The following KCNK2 variants were observed in gnomAD, a reference collection of about 807,000 sequenced individuals.
The protein encoded by KCNK2 is potassium two pore domain channel subfamily K member 2, also known as potassium channel subfamily K member 2.
Under a neutral mutation model 40.5 loss-of-function variants are expected in KCNK2, and 21 were observed. The ratio of observed to expected loss-of-function variants is 0.52; its 90% CI spans 0.37 to 0.75. The LOEUF (loss-of-function observed/expected upper bound fraction) is 0.75. Ranked by LOEUF, KCNK2 falls within the 30% of genes least tolerant of loss-of-function variation. KCNK2 has a pLI of 0.00. For synonymous variants in KCNK2, 191 were observed against 202.2 expected, an observed-to-expected ratio of 0.94 and a Z score of 0.47; for missense variants, 399 against 531.6, an observed-to-expected ratio of 0.75 and a Z score of 2.45.
intron 3 of KCNK2, among the ~76,000 whole-genome samples, chr1:215,160,634 G>C (rs1202134596): frequency 6.6e-6 from 1 of 151,922 alleles, no homozygotes; most frequent in Non-Finnish European, 1.5e-5. Flanking sequence ...TTCTTTTTTA[G>C]CTTGCTCTTC....
rs1024975216 is a variant in KCNK2 at position 215,119,498 on chromosome 1, T to A, written c.358-5135T>A. Among the ~76,000 whole-genome samples the A allele has an allele frequency of 3.9e-5, 6 of 152,182 alleles. 1 individual carries two copies. The highest frequency in any genetic ancestry group is 3.9e-4 in the Admixed American group (6 of 15,278). On this transcript the variant is annotated intron_variant, in intron 2 of 6. Transcript: ENST00000444842. Reference sequence around the variant, plus strand: ...ATTTCTTAAGTTTAATGCTACACTCTTAAGTGGAACCATGTATTCAACTAA... The same window carrying A: ...ATTTCTTAAGTTTAATGCTACACTCATAAGTGGAACCATGTATTCAACTAA...
upstream of KCNK2, among the ~76,000 whole-genome samples, chr1:215,077,840 A>G (rs943660706): frequency 1.6e-4 from 24 of 152,034 alleles, no homozygotes; most frequent in African/African-American, 5.8e-4. Context: ...TCTTTACACC[A>G]GCCTTCCCTG....
At chr1:215,019,005 A>T (rs1251503969) in intron 1 of KCNK2, among the ~76,000 whole-genome samples, 1 of 142,192 alleles carries the variant, frequency 7.0e-6, no homozygotes, top group Non-Finnish European at 1.6e-5. Flanking sequence ...ACACAAAAAA[A>T]AAACCATCTA....
intron 3 of KCNK2, among the ~76,000 whole-genome samples, chr1:215,157,495 A>C (rs542634675): frequency 6.6e-6 from 1 of 152,240 alleles, no homozygotes; most frequent in Admixed American, 6.5e-5. Context: ...TTTGGAAGCC[A>C]GAATGACTGC....
intron 1 of KCNK2, among the ~76,000 whole-genome samples, chr1:215,044,975 C>A (rs1657715505): frequency 6.6e-6 from 1 of 151,622 alleles, no homozygotes; most frequent in Admixed American, 6.6e-5. Flanking sequence ...TCGAGACCAT[C>A]CTGGCTAACA....
At chr1:215,199,021 CAT>C (rs747225094) in intron 6 of KCNK2, among the ~76,000 whole-genome samples, 1 of 152,004 alleles carries the variant, frequency 6.6e-6, no homozygotes. Context: ...TATGTTAAAA[CAT>C]ATTCTGTTTC....
chr1:215,183,824 A>G (rs568793581), intron 5 of KCNK2, among the ~76,000 whole-genome samples: 61 of 152,282 alleles, frequency 4.0e-4, no homozygotes, highest in African/African-American at 1.4e-3. Context: ...CCTTGACGCA[A>G]ATTTCTTACT....
intron 1 of KCNK2, among the ~76,000 whole-genome samples, chr1:215,016,900 C>T (rs1401615027): frequency 6.6e-6 from 1 of 150,900 alleles, no homozygotes; most frequent in Non-Finnish European, 1.5e-5. Context: ...AACTCAAGAG[C>T]AAGAAAACAA....
intron 1 of KCNK2, among the ~76,000 whole-genome samples, chr1:215,022,129 A>ATCT (rs5780811): frequency 0.067 from 8,275 of 122,926 alleles, 489 homozygotes; most frequent in South Asian, 0.19. Context: ...CTATCTATCT[A>ATCT]ATCATCTATC....
At position 215,023,459 on chromosome 1, in the gene KCNK2, A is replaced by T. The variant is rs570364991; in HGVS notation, c.34+17504A>T. Among the ~76,000 whole-genome samples the T allele has an allele frequency of 1.8e-4, 27 of 152,320 alleles. No homozygotes were observed. In the East Asian group the frequency reaches 5.2e-3, roughly 29 times the overall value. The stretch of plus-strand genomic sequence containing the variant: ...AAGTATGTCACTTCAACATCATTTT[A>T]TACTCTGAATTGAATTACATTAAAG... On this transcript the variant is annotated intron_variant, in intron 1 of 6. Transcript: ENST00000391895.
intron 3 of KCNK2, among the ~76,000 whole-genome samples, chr1:215,151,450 G>T (rs1027056660): frequency 2.6e-5 from 4 of 151,950 alleles, no homozygotes; most frequent in African/African-American, 9.7e-5. Flanking sequence ...TAATCATATT[G>T]CTTTTTAATT....
intron 1 of KCNK2, among the ~76,000 whole-genome samples, chr1:215,040,800 A>G (rs952626214): frequency 5.9e-5 from 9 of 152,290 alleles, no homozygotes; most frequent in African/African-American, 1.7e-4. Flanking sequence ...TATTCAACAG[A>G]CATGTCAAAT....
chr1:215,188,515 G>A (rs947925646), intron 5 of KCNK2, among the ~76,000 whole-genome samples: 1 of 152,038 alleles, frequency 6.6e-6, no homozygotes, highest in Non-Finnish European at 1.5e-5. Flanking sequence ...CTCATTCAGT[G>A]GAGTGCTCAG....
chr1:215,127,861 T>C (rs943775514), intron 3 of KCNK2, among the ~76,000 whole-genome samples: 6 of 152,232 alleles, frequency 3.9e-5, no homozygotes. Context: ...TAACACCATA[T>C]TGATACCTGT....
intron 1 of KCNK2, among the ~76,000 whole-genome samples, chr1:215,068,826 TG>T (rs978981689): frequency 6.6e-6 from 1 of 152,084 alleles, no homozygotes; most frequent in African/African-American, 2.4e-5. Context: ...ACTCCCTTCC[TG>T]GGGCCCTTAT....
chr1:215,068,206 T>C (rs962948636), intron 1 of KCNK2, among the ~76,000 whole-genome samples: 1 of 152,156 alleles, frequency 6.6e-6, no homozygotes, highest in Admixed American at 6.5e-5. Flanking sequence ...TCTTATGTAA[T>C]TCCTACTATG....
At chr1:215,099,184 C>T (rs193079761) in intron 2 of KCNK2, among the ~76,000 whole-genome samples, 1 of 151,880 alleles carries the variant, frequency 6.6e-6, no homozygotes, top group Non-Finnish European at 1.5e-5. Context: ...ATCCTCTGAT[C>T]GGCCCTAGTG....
intron 6 of KCNK2, among the ~76,000 whole-genome samples, chr1:215,198,244 A>G (rs1172066473): frequency 1.3e-5 from 2 of 152,122 alleles, no homozygotes; most frequent in East Asian, 3.9e-4. Flanking sequence ...AGCTCCCATG[A>G]GTCAAGGCTA....
intron 1 of KCNK2, among the ~76,000 whole-genome samples, chr1:215,059,952 A>T (rs1185427689): frequency 6.6e-6 from 1 of 152,182 alleles, no homozygotes; most frequent in East Asian, 1.9e-4. Flanking sequence ...TGCTGAGGCA[A>T]TGTAGACAGA....
Sources: allele counts gnomAD v4.1 joint callset (sites outside exome capture counted in the v4.1 genomes callset), GRCh38; gene constraint gnomAD v4.1.1; transcripts MANE v1.5; gene names NCBI Gene and HGNC (gene_info 2026-07-23, HGNC 2026-07-21).